ETNPPL: variants seen among roughly 807,000 people sequenced by gnomAD.
ETNPPL encodes alanine--glyoxylate aminotransferase 2-like 1.
A neutral mutation model predicts 55.5 loss-of-function variants in ETNPPL; 30 were observed. The ratio of observed to expected loss-of-function variants is 0.54; its 90% CI spans 0.40 to 0.73. The LOEUF (loss-of-function observed/expected upper bound fraction) is 0.73, where lower values mean the gene tolerates loss of function less well. Ranked by LOEUF, ETNPPL falls within the 30% of genes least tolerant of loss-of-function variation. ETNPPL has a pLI of 0.00. For missense variants in ETNPPL, 528 were observed against 607.9 expected (o/e 0.87, Z 1.38); for synonymous variants, 202 against 207.2 (o/e 0.98, Z 0.21).
intron 1 of ETNPPL, 79 bp from the exon 2 acceptor site, chr4:108,760,385 A>T (rs1729458818): frequency 1.4e-6 from 1 of 693,832 alleles, no homozygotes; most frequent in African/African-American, 1.7e-5. Flanking sequence ...GGTCCCCATC[A>T]GTGGAAAAGT....
In ETNPPL at chr4:108,762,939, G is replaced by A; in HGVS notation, c.-41C>T. The A allele has an allele frequency of 6.3e-7, 1 of 1,595,610 alleles. No homozygotes were observed. The highest frequency in any genetic ancestry group is 8.6e-7 in the Non-Finnish European group (1 of 1,163,966). ...GGCGCTGCGAAGGTGCAAGGTGCAAGGTCTGCGCGCCTCCTACGCGAGCCT... is the reference window on the plus strand; with the variant it reads ...GGCGCTGCGAAGGTGCAAGGTGCAAAGTCTGCGCGCCTCCTACGCGAGCCT... On this transcript the variant is annotated 5_prime_UTR_variant, in exon 1 of 13. Coordinates refer to ENST00000296486, the MANE Select transcript of ETNPPL (RefSeq NM_031279.4).
chr4:108,756,047 T>C (rs759349862), intron 4 of ETNPPL, among the ~76,000 whole-genome samples: 2 of 152,240 alleles, frequency 1.3e-5, no homozygotes, highest in Non-Finnish European at 2.9e-5. Flanking sequence ...AATAGTGAAG[T>C]GAATGCTTGA....
At position 108,760,231 on chromosome 4, in the gene ETNPPL, C is replaced by G. The variant is rs749096402; in HGVS notation, c.132G>C (p.Glu44Asp). The stretch of plus-strand genomic sequence containing the variant: ...TGCAGTCCAAGTACTGTTCACCGTT[C>G]TCATCAAACATGTACTGCCTCTGGG... ...VRAQRQYMFD[E>D]NGEQYLDCIN... Residue 44 changes from glutamate to aspartate, a missense_variant, in exon 2 of 13, where the codon GAG (glutamate) becomes GAC (aspartate). Glu to Asp is a conservative substitution (Grantham distance 45, BLOSUM62 2). Coordinates refer to ENST00000296486, the MANE Select transcript of ETNPPL (RefSeq NM_031279.4). 6.2e-7 allele frequency: 1 copy of G among 1,612,602 alleles called. No homozygotes were observed.
In ETNPPL at chr4:108,746,444, C is replaced by T; in HGVS notation, c.1258G>A (p.Glu420Lys). 1 of 1,614,002 alleles carries T rather than the reference C, an allele frequency of 6.2e-7. No homozygotes were observed. Among genetic ancestry groups the T allele is most frequent in the South Asian group, 1.1e-5 (1 of 91,056 alleles). ...KIKPPMCFTE[E>K]DAKFMVDQLD... ...TGGTCCACCATGAACTTTGCATCTTCTTCAGTGAAGCACATAGGTGGTTTT... is the reference window on the plus strand; with the variant it reads ...TGGTCCACCATGAACTTTGCATCTTTTTCAGTGAAGCACATAGGTGGTTTT... Residue 420 changes from glutamate (E) to lysine (K), a missense_variant, in exon 11 of 13, where the codon GAA becomes AAA. By Grantham distance (56) the Glu-to-Lys change is moderately conservative. Transcript: ENST00000296486.
intron 9 of ETNPPL, 133 bp from the exon 10 acceptor site, chr4:108,746,984 TCA>T (rs923036612): frequency 1.8e-6 from 1 of 567,982 alleles, no homozygotes; most frequent in African/African-American, 1.9e-5. Flanking sequence ...CAATCTATGT[TCA>T]CAGTTGTTTC....
intron 3 of ETNPPL, among the ~76,000 whole-genome samples, chr4:108,757,611 A>AGG (rs1729273292): frequency 6.6e-6 from 1 of 152,180 alleles, no homozygotes; most frequent in Non-Finnish European, 1.5e-5. Context: ...TGTCTCTAAA[A>AGG]ATAATAAAGT....
At chr4:108,758,749 C>T (rs1015515886) in intron 3 of ETNPPL, among the ~76,000 whole-genome samples, 3 of 152,186 alleles carry the variant, frequency 2.0e-5, no homozygotes, top group African/African-American at 7.2e-5. Context: ...CAGACCAGCC[C>T]GCATCTCTTG....
intron 11 of ETNPPL, 111 bp downstream of exon 11, chr4:108,746,288 C>T: frequency 1.1e-6 from 1 of 947,876 alleles, no homozygotes; most frequent in Non-Finnish European, 1.5e-6. Flanking sequence ...TGCCCTGCCT[C>T]ACTTCCATCA....
intron 3 of ETNPPL, 47 bp downstream of exon 3, chr4:108,759,702 A>G: frequency 1.3e-6 from 2 of 1,589,848 alleles, no homozygotes; most frequent in Non-Finnish European, 1.7e-6. Context: ...GCAAGAGTAG[A>G]CAAAGTTTAG....
At chr4:108,757,252 AC>A (rs1729253278) in intron 3 of ETNPPL, among the ~76,000 whole-genome samples, 1 of 152,190 alleles carries the variant, frequency 6.6e-6, no homozygotes, top group African/African-American at 2.4e-5. Context: ...TAAATATACT[AC>A]CCAAAAAAAG....
At chr4:108,745,954 C>T (rs1039516884) in intron 11 of ETNPPL, among the ~76,000 whole-genome samples, 3 of 147,664 alleles carry the variant, frequency 2.0e-5, no homozygotes, top group East Asian at 2.0e-4. Flanking sequence ...AAAAAAACCA[C>T]GCAAAGTTAA....
rs1260376379 is a variant in ETNPPL, at chr4:108,749,183, T to C, written c.927+55A>G. On this transcript the variant is annotated intron_variant, in intron 8 of 12. Transcript: ENST00000296486. ...TTCTTTACTACATTGGCAAAAAATA[T>C]AAGAACATGCATTATTTTTCCTTCT... 3.6e-6 allele frequency: 5 copies of C among 1,398,516 alleles called. No homozygotes were observed. In the East Asian group the frequency reaches 1.1e-4, roughly 32 times the overall value. The allele number at this position is 1,398,516 out of a possible 1,614,324, so 86.6% of individuals were successfully genotyped here.
Position 108,762,780 on chromosome 4 carries a change from T to C in ETNPPL, c.56+63A>G, listed in dbSNP as rs760317506. 20 of 1,568,558 alleles carry C rather than the reference T, an allele frequency of 1.3e-5. No individual in the cohort carries two copies. In the South Asian group the frequency reaches 1.8e-4, roughly 14 times the overall value. ...TTTGTTCCCTAGCCGGCTTTCTCTCTCCACCTTCTGCACTCGTTATTGCCC... is the reference window on the plus strand; with the variant it reads ...TTTGTTCCCTAGCCGGCTTTCTCTCCCCACCTTCTGCACTCGTTATTGCCC... On this transcript the variant is annotated intron_variant, in intron 1 of 12. Transcript: ENST00000296486.
At chr4:108,750,381 C>T (rs1276643902) in intron 7 of ETNPPL, among the ~76,000 whole-genome samples, 5 of 151,988 alleles carry the variant, frequency 3.3e-5, no homozygotes, top group African/African-American at 1.2e-4. Flanking sequence ...TGCCCTCAAA[C>T]ATCAGACTCC....
At chr4:108,758,879 C>T (rs1729361697) in intron 3 of ETNPPL, among the ~76,000 whole-genome samples, 1 of 152,082 alleles carries the variant, frequency 6.6e-6, no homozygotes. Flanking sequence ...GGAGAAACTC[C>T]ATCTCTACTA....
chr4:108,747,149 A>T (rs13123998), intron 9 of ETNPPL, among the ~76,000 whole-genome samples: 525 of 16,190 alleles, frequency 0.032, 37 homozygotes, highest in Middle Eastern at 0.067. Flanking sequence ...TATATATATA[A>T]TATATATATA....
chr4:108,753,470 G>T (rs200315412), intron 5 of ETNPPL, among the ~76,000 whole-genome samples: 1 of 152,012 alleles, frequency 6.6e-6, no homozygotes, highest in African/African-American at 2.4e-5. Context: ...GGCCAGGCGC[G>T]GTGGCTCACG....
chr4:108,746,928 A>G, intron 9 of ETNPPL, 77 bp from the exon 10 acceptor site: 2 of 870,720 alleles, frequency 2.3e-6, no homozygotes, highest in Non-Finnish European at 3.8e-6. Flanking sequence ...ACTATCACCA[A>G]ACTTCCATTT....
rs1442490878 is a variant in ETNPPL at position 108,756,630 on chromosome 4, A to G, written c.336-138T>C. 11 of 649,092 alleles carry G rather than the reference A, an allele frequency of 1.7e-5. No homozygotes were observed. In the East Asian group the frequency reaches 3.0e-4, roughly 18 times the overall value. The allele number at this position is 649,092 out of a possible 1,614,324, so 40.2% of individuals were successfully genotyped here. A position where few individuals can be genotyped will look rare whatever the true frequency, so the allele number is the denominator to read the frequency against. ...GGAGGGCCGATTGCCTGAGCTCAGA[A>G]GTTAGAGACCAGATTAGGCAACCCG... On this transcript the variant is annotated intron_variant, in intron 3 of 12. Coordinates refer to ENST00000296486, the MANE Select transcript of ETNPPL (RefSeq NM_031279.4).
Sources: allele counts gnomAD v4.1 joint callset (sites outside exome capture counted in the v4.1 genomes callset), GRCh38; gene constraint gnomAD v4.1.1; transcripts MANE v1.5; gene names NCBI Gene and HGNC (gene_info 2026-07-23, HGNC 2026-07-21).